COL13A1: variants seen among roughly 807,000 people sequenced by gnomAD.
COL13A1 encodes the protein collagen alpha-1(XIII) chain.
In COL13A1, 89 loss-of-function variants were observed where a neutral mutation model predicts 130.9. The ratio of observed to expected loss-of-function variants is 0.68; its 90% confidence interval spans 0.57 to 0.81. The LOEUF (loss-of-function observed/expected upper bound fraction) is 0.81. COL13A1 is among the 30% of genes least tolerant of loss of function. The pLI is 0.00. For missense variants in COL13A1, 879 were observed against 934.6 expected (o/e 0.94, Z 0.78); for synonymous variants, 402 against 341.6 (o/e 1.18, Z -1.95).
chr10:69,807,002 G>A (rs143763080), intron 1 of COL13A1, among the ~76,000 whole-genome samples: 88 of 152,176 alleles, frequency 5.8e-4, no homozygotes, highest in African/African-American at 2.0e-3. Flanking sequence ...GCAAGACTCC[G>A]TCTCAAAAAA....
intron 37 of COL13A1, among the ~76,000 whole-genome samples, chr10:69,946,974 G>C (rs2068648756): frequency 6.6e-6 from 1 of 152,078 alleles, no homozygotes; most frequent in Non-Finnish European, 1.5e-5. Context: ...ATTTTTCATA[G>C]AGACGGGCTT....
intron 40 of COL13A1, 137 bp downstream of exon 40, chr10:69,957,179 C>T: frequency 4.2e-6 from 3 of 717,018 alleles, no homozygotes; most frequent in Admixed American, 2.1e-5. Context: ...GGCAGGGTGC[C>T]CATTAAACAT....
In COL13A1 at chr10:69,904,905, C is replaced by CTTT. The variant is rs60054259; in HGVS notation, c.859-13_859-11dup. 3,855 of 1,472,844 alleles carry CTTT rather than the reference C, an allele frequency of 2.6e-3. 38 individuals carry two copies. The highest frequency in any genetic ancestry group is 0.026 in the African/African-American group (1,649 of 64,168). The allele number at this position is 1,472,844 out of a possible 1,614,324, so 91.2% of individuals were successfully genotyped here. ...CAGCTCTACTCACCTTTTCTTTTTT[C>CTTT]TTTTTTTTTTTTTTTTTGCTTCCAC... On this transcript the variant is annotated intron_variant, in intron 15 of 40. Coordinates refer to ENST00000645393, the MANE Select transcript of COL13A1 (RefSeq NM_001368882.1).
intron 15 of COL13A1, among the ~76,000 whole-genome samples, chr10:69,903,911 C>T (rs1455771584): frequency 6.6e-6 from 1 of 152,192 alleles, no homozygotes; most frequent in Non-Finnish European, 1.5e-5. Flanking sequence ...GGCTGCCCAG[C>T]TTTCAATCTC....
intron 2 of COL13A1, among the ~76,000 whole-genome samples, chr10:69,847,082 CCTCTTCCTT>C: frequency 6.6e-6 from 1 of 152,228 alleles, no homozygotes; most frequent in Non-Finnish European, 1.5e-5. Flanking sequence ...CTCTCTTTAG[CCTCTTCCTT>C]CTCTTCCTCC....
At chr10:69,932,022 A>G (rs543211019) in intron 30 of COL13A1, among the ~76,000 whole-genome samples, 13 of 152,188 alleles carry the variant, frequency 8.5e-5, no homozygotes, top group African/African-American at 2.6e-4. Flanking sequence ...GGCCACCTAC[A>G]GTTCCTGCCA....
chr10:69,861,985 G>A (rs935328997), intron 2 of COL13A1, among the ~76,000 whole-genome samples: 5 of 152,176 alleles, frequency 3.3e-5, no homozygotes. Context: ...TTGGGGTAAG[G>A]TGGGGCTGCT....
At chr10:69,949,058 T>C (rs1468104038) in intron 38 of COL13A1, among the ~76,000 whole-genome samples, 1 of 152,304 alleles carries the variant, frequency 6.6e-6, no homozygotes, top group African/African-American at 2.4e-5. Context: ...AAAGAGCCAA[T>C]TGACTTATTC....
chr10:69,858,825 T>A (rs1205477900), intron 2 of COL13A1, among the ~76,000 whole-genome samples: 1 of 152,240 alleles, frequency 6.6e-6, no homozygotes, highest in Non-Finnish European at 1.5e-5. Flanking sequence ...GCAATAAATG[T>A]AAAGGTTAAG....
intron 3 of COL13A1, among the ~76,000 whole-genome samples, chr10:69,871,443 G>T (rs993634276): frequency 5.3e-5 from 8 of 152,182 alleles, no homozygotes; most frequent in African/African-American, 1.4e-4. Context: ...ATGGCAACTA[G>T]TCCTGTCCCC....
intron 17 of COL13A1, among the ~76,000 whole-genome samples, chr10:69,909,762 T>C (rs372527453): frequency 3.9e-5 from 6 of 152,236 alleles, no homozygotes; most frequent in African/African-American, 1.4e-4. Flanking sequence ...CAGAAGTTTA[T>C]TTCCCCTCTG....
At chr10:69,811,170 A>G (rs1476383164) in intron 1 of COL13A1, among the ~76,000 whole-genome samples, 2 of 152,120 alleles carry the variant, frequency 1.3e-5, no homozygotes, top group Admixed American at 6.5e-5. Context: ...GCATTCGTCC[A>G]GGCATTTCCC....
At chr10:69,867,329 C>T (rs1249037807) in intron 2 of COL13A1, among the ~76,000 whole-genome samples, 1 of 152,246 alleles carries the variant, frequency 6.6e-6, no homozygotes, top group African/African-American at 2.4e-5. Context: ...CAGTGGCCAT[C>T]CACGCCCGCC....
At chr10:69,841,880 G>T (rs74139209) in intron 2 of COL13A1, among the ~76,000 whole-genome samples, 1 of 152,178 alleles carries the variant, frequency 6.6e-6, no homozygotes, top group African/African-American at 2.4e-5. Flanking sequence ...TGGGCAGGGA[G>T]CTTCGGGACA....
At chr10:69,805,553 G>C (rs1036889589) in intron 1 of COL13A1, among the ~76,000 whole-genome samples, 2 of 152,204 alleles carry the variant, frequency 1.3e-5, no homozygotes, top group African/African-American at 4.8e-5. Flanking sequence ...TTAAATTTTA[G>C]CTTGTCTGTT....
intron 30 of COL13A1, 55 bp downstream of exon 30, chr10:69,930,607 C>T: frequency 6.4e-7 from 1 of 1,569,456 alleles, no homozygotes; most frequent in Non-Finnish European, 8.6e-7. Flanking sequence ...AAGCATGACG[C>T]CAGCTTTGCA....
At chr10:69,891,796 T>A (rs970863567) in intron 10 of COL13A1, among the ~76,000 whole-genome samples, 1 of 152,170 alleles carries the variant, frequency 6.6e-6, no homozygotes, top group Admixed American at 6.5e-5. Flanking sequence ...CACTCTGTCA[T>A]CCTCATAACA....
At chr10:69,805,705 G>A (rs1435616267) in intron 1 of COL13A1, among the ~76,000 whole-genome samples, 4 of 152,154 alleles carry the variant, frequency 2.6e-5, no homozygotes, top group African/African-American at 7.2e-5. Flanking sequence ...GGCCTGCAAA[G>A]CAACTTGAGG....
At chr10:69,848,964 T>A (rs1853927079) in intron 2 of COL13A1, among the ~76,000 whole-genome samples, 1 of 152,166 alleles carries the variant, frequency 6.6e-6, no homozygotes, top group Non-Finnish European at 1.5e-5. Flanking sequence ...TGCCGCTGCC[T>A]CTGTACTCAG....
Sources: gnomAD v4.1 joint callset for allele counts (sites outside exome capture counted in the v4.1 genomes callset) on GRCh38, gnomAD v4.1.1 for gene constraint, MANE v1.5 for transcripts, NCBI Gene and HGNC (gene_info 2026-07-23, HGNC 2026-07-21) for gene names.